ABCA6: variants seen among roughly 807,000 people sequenced by gnomAD.
The protein encoded by ABCA6 is ATP-binding cassette sub-family A member 6.
Under a neutral mutation model 191.2 loss-of-function variants are expected in ABCA6, and 164 were observed. The ratio of observed to expected loss-of-function variants is 0.86; its 90% confidence interval spans 0.76 to 0.98. The LOEUF is 0.98. Ranked by LOEUF, ABCA6 falls within the 50% of genes least tolerant of loss-of-function variation. The probability of loss-of-function intolerance (pLI) is 0.00; values close to 1 mark genes in which losing one functional copy is unlikely to be tolerated. For missense variants in ABCA6, 1,958 were observed against 1,894.1 expected, an observed-to-expected ratio of 1.03 and a Z score of -0.63; for synonymous variants, 636 against 647.7, an observed-to-expected ratio of 0.98 and a Z score of 0.27.
intron 22 of ABCA6, chr17:69,099,592 A>G (rs2073128504): frequency 6.5e-6 from 1 of 154,312 alleles, no homozygotes; most frequent in Non-Finnish European, 1.5e-5. Context: ...GCCTGTCTCA[A>G]AATAATTCTG....
chr17:69,110,902 G>T lies in ABCA6; in HGVS notation c.2171C>A (p.Thr724Lys). The T allele has an allele frequency of 6.2e-7, 1 of 1,610,864 alleles. No homozygotes were observed. Among genetic ancestry groups the T allele is most frequent in the Non-Finnish European group, 8.5e-7 (1 of 1,178,412 alleles). Residue 724 changes from threonine to lysine, a missense_variant, in exon 17 of 39, where the codon ACA (threonine) becomes AAA (lysine). By Grantham distance (78) the Thr-to-Lys change is moderately conservative. Coordinates refer to ENST00000284425, the MANE Select transcript of ABCA6 (RefSeq NM_080284.3). ...RNEICNPEQITSFITHHIPDA... is the reference protein window; with the variant it reads ...RNEICNPEQIKSFITHHIPDA... ...GGGGATGTGATGAGTAATGAAGGATGTTATTTGTTCTGGGTTACATATTTC... is the reference window on the plus strand; with the variant it reads ...GGGGATGTGATGAGTAATGAAGGATTTTATTTGTTCTGGGTTACATATTTC...
At chr17:69,098,079 AATAATT>A (rs1442503851) in intron 22 of ABCA6, 52 bp from the exon 23 acceptor site, 1 of 1,337,686 alleles carries the variant, frequency 7.5e-7, no homozygotes, top group Admixed American at 2.6e-5. Context: ...AAATGAAACA[AATAATT>A]ATAGCCACAA....
intron 20 of ABCA6, 47 bp downstream of exon 20, chr17:69,105,415 A>T (rs764736594): frequency 1.3e-6 from 2 of 1,533,742 alleles, no homozygotes; most frequent in East Asian, 4.8e-5. Context: ...GCTATTCAAC[A>T]ATAAAAATAA....
chr17:69,080,895 A>T (rs997262434), intron 37 of ABCA6, among the ~76,000 whole-genome samples, 171 bp downstream of exon 37: 1 of 152,220 alleles, frequency 6.6e-6, no homozygotes, highest in Non-Finnish European at 1.5e-5. Flanking sequence ...TCACAGAGTC[A>T]GAGTAACCTA....
Position 69,133,840 on chromosome 17 carries a change from C to G in ABCA6, c.592G>C (p.Glu198Gln), listed in dbSNP as rs201764380. ...GTTATAGCAGTAACTGACATCAACT[C>G]CTCCATCACAGGGTGATTGGTTGTG... The part of the protein sequence containing the change: ...EITTNHPVME[E>Q]LMSVTAITMK... The change falls in exon 6 of 39, where the codon GAG becomes CAG. Residue 198 changes from glutamate to glutamine, a missense_variant. Glu to Gln is a conservative substitution (Grantham distance 29). Coordinates refer to ENST00000284425, the MANE Select transcript of ABCA6 (RefSeq NM_080284.3). 320 of 1,608,394 alleles carry G rather than the reference C, an allele frequency of 2.0e-4. 2 individuals carry two copies. The East Asian group carries it at 6.9e-3, about 35-fold the overall frequency.
chr17:69,086,276 T>C (rs938528601), intron 30 of ABCA6, among the ~76,000 whole-genome samples: 2 of 152,132 alleles, frequency 1.3e-5, no homozygotes, highest in African/African-American at 4.8e-5. Context: ...CTCATTGCTG[T>C]TTTCAAAAGC....
intron 4 of ABCA6, chr17:69,135,829 T>C: frequency 4.4e-6 from 2 of 456,516 alleles, no homozygotes; most frequent in Non-Finnish European, 7.7e-6. Context: ...CACCTGAGGC[T>C]GGGGCCTGTC....
At chr17:69,082,015 C>A (rs2072647249) in intron 36 of ABCA6, among the ~76,000 whole-genome samples, 1 of 152,132 alleles carries the variant, frequency 6.6e-6, no homozygotes, top group African/African-American at 2.4e-5. Flanking sequence ...TCCCAGGTGG[C>A]ACTAAGGTTG....
intron 15 of ABCA6, 34 bp downstream of exon 15, chr17:69,113,188 A>G (rs755042115): frequency 6.3e-7 from 1 of 1,581,086 alleles, no homozygotes. Context: ...CCCCAATTGC[A>G]TCATGGTAAC....
Position 69,106,155 on chromosome 17 carries a change from C to A in ABCA6, c.2446G>T (p.Ala816Ser). 1.9e-6 allele frequency: 3 copies of A among 1,613,848 alleles called. No homozygotes were observed. Among genetic ancestry groups the A allele is most frequent in the Non-Finnish European group, 2.5e-6 (3 of 1,179,836 alleles). The change falls in exon 19 of 39, where the codon GCT becomes TCT. Residue 816 changes from alanine to serine, a missense_variant. Coordinates refer to ENST00000284425, the MANE Select transcript of ABCA6 (RefSeq NM_080284.3). ...DSESLNEMEL[A>S]HSSFSEMQTA... ...TGCATTTCAGAGAAGGAAGAGTGAG[C>A]CAGCTCCATTTCATTGAGGCTTTCT...
In ABCA6 at chr17:69,136,233, C is replaced by T. The variant is rs553471103; in HGVS notation, c.319G>A (p.Ala107Thr). 9 of 1,565,902 alleles carry T rather than the reference C, an allele frequency of 5.7e-6. No homozygotes were observed. In the African/African-American group the frequency reaches 1.2e-4, roughly 21 times the overall value. ...PLLKGTSVIG[A>T]PNKTHMDEIL... The stretch of plus-strand genomic sequence containing the variant: ...TCGTCCATGTGTGTTTTATTTGGTG[C>T]CCCAATGACACTTGTTCCTGTGAAT... The change falls in exon 4 of 39, where the codon GCA becomes ACA. Residue 107 changes from alanine to threonine, a missense_variant. Transcript: ENST00000284425.
intron 6 of ABCA6, among the ~76,000 whole-genome samples, chr17:69,132,544 G>A (rs1217354580): frequency 2.0e-5 from 3 of 152,116 alleles, no homozygotes; most frequent in Non-Finnish European, 2.9e-5. Context: ...GCAGTAGCAC[G>A]ATCTCAGTTC....
At chr17:69,136,278 T>C (rs1362091787) in intron 3 of ABCA6, 28 bp from the exon 4 acceptor site, 3 of 1,441,506 alleles carry the variant, frequency 2.1e-6, no homozygotes, top group Non-Finnish European at 2.7e-6. Flanking sequence ...AAAATAGACA[T>C]AGAAAATTGT....
intron 14 of ABCA6, 64 bp downstream of exon 14, chr17:69,113,554 T>C (rs1463783697): frequency 1.9e-6 from 3 of 1,609,900 alleles, no homozygotes; most frequent in Non-Finnish European, 2.5e-6. Context: ...CTTTTAGTGG[T>C]AAAAGAACTT....
Position 69,085,086 on chromosome 17 carries a change from C to T in ABCA6, c.4126G>A (p.Glu1376Lys). Residue 1376 changes from glutamate to lysine, a missense_variant, in exon 32 of 39, where the codon GAG becomes AAG. By Grantham distance (56) the Glu-to-Lys change is moderately conservative. Transcript: ENST00000284425. ...AGCCCCTTGACGGCAGCATACACCT[C>T]CAGGTGTTCCCTCAACGTCAGCATG... ...WPMLTLREHL[E>K]VYAAVKGLRK... 6.2e-7 allele frequency: 1 copy of T among 1,613,788 alleles called. No homozygotes were observed. Among genetic ancestry groups the T allele is most frequent in the South Asian group, 1.1e-5 (1 of 90,996 alleles).
rs1167884176 is a variant in ABCA6 at position 69,133,881 on chromosome 17, TAAAC to T, written c.565-18_565-15del. On this transcript the variant is annotated splice_polypyrimidine_tract_variant and intron_variant, in intron 5 of 38. Coordinates refer to ENST00000284425, the MANE Select transcript of ABCA6 (RefSeq NM_080284.3). ...ATTGGTTGTGATCTAAAGTAGAGTT[TAAAC>T]AAACATAATTATTATTTAAAAGATA... is the stretch of plus-strand genomic sequence containing the variant. 6.8e-7 allele frequency: 1 copy of T among 1,464,070 alleles called. No homozygotes were observed. The highest frequency in any genetic ancestry group is 1.3e-5 in the South Asian group (1 of 78,932). 90.7% of individuals were successfully genotyped at this position (1,464,070 alleles called of 1,614,324 possible). A position where few individuals can be genotyped will look rare whatever the true frequency, so the allele number is the denominator to read the frequency against.
intron 25 of ABCA6, among the ~76,000 whole-genome samples, chr17:69,093,397 C>T (rs1327010494): frequency 6.6e-6 from 1 of 152,220 alleles, no homozygotes; most frequent in African/African-American, 2.4e-5. Flanking sequence ...CCCACATATT[C>T]TGTAAGTTCT....
At chr17:69,107,395 T>C (rs973855552) in intron 18 of ABCA6, among the ~76,000 whole-genome samples, 3 of 152,140 alleles carry the variant, frequency 2.0e-5, no homozygotes, top group Admixed American at 1.3e-4. Context: ...TTAAAAAATA[T>C]ATTCAGACCT....
chr17:69,102,980 T>C lies in ABCA6; in HGVS notation c.2741-12A>G. ...TTCAATATTTGATTCTAATATGAAG[T>C]TAATAAGAGAAGGCCATAGAAAAGT... On this transcript the variant is annotated splice_polypyrimidine_tract_variant and intron_variant, in intron 20 of 38. Coordinates refer to ENST00000284425, the MANE Select transcript of ABCA6 (RefSeq NM_080284.3). The C allele has an allele frequency of 6.8e-7, 1 of 1,467,776 alleles. No individual in the cohort carries two copies. The highest frequency in any genetic ancestry group is 1.2e-5 in the South Asian group (1 of 81,012). 90.9% of individuals were successfully genotyped at this position (1,467,776 alleles called of 1,614,324 possible).
Sources: allele counts gnomAD v4.1 joint callset (sites outside exome capture counted in the v4.1 genomes callset), GRCh38; gene constraint gnomAD v4.1.1; transcripts MANE v1.5; gene names NCBI Gene and HGNC (gene_info 2026-07-23, HGNC 2026-07-21).